APBB2: variants seen among roughly 807,000 people sequenced by gnomAD.
The protein encoded by APBB2 is amyloid beta precursor protein binding family B member 2.
Under a neutral mutation model 82.5 loss-of-function variants are expected in APBB2, and 38 were observed. The ratio of observed to expected loss-of-function variants is 0.46; its 90% CI spans 0.36 to 0.60. The LOEUF (loss-of-function observed/expected upper bound fraction) is 0.60. APBB2 is among the 20% of genes least tolerant of loss of function. APBB2 has a pLI of 0.00. For missense variants in APBB2, 772 were observed against 972.3 expected, an observed-to-expected ratio of 0.79 and a Z score of 2.74; for synonymous variants, 341 against 368.2, an observed-to-expected ratio of 0.93 and a Z score of 0.85.
chr4:40,908,341 C>T (rs1188423432), intron 10 of APBB2, among the ~76,000 whole-genome samples: 2 of 152,170 alleles, frequency 1.3e-5, no homozygotes, highest in East Asian at 3.8e-4. Context: ...AGCCAACAAA[C>T]ACACGGTGGT....
chr4:41,142,107 GCAGA>G (rs1209643631), intron 2 of APBB2, among the ~76,000 whole-genome samples: 1 of 152,170 alleles, frequency 6.6e-6, no homozygotes, highest in African/African-American at 2.4e-5. Context: ...AGGATGCTGG[GCAGA>G]CAAAGCCAAC....
chr4:40,968,121 A>T (rs908273080), intron 6 of APBB2, among the ~76,000 whole-genome samples: 1 of 152,176 alleles, frequency 6.6e-6, no homozygotes. Flanking sequence ...ACTGTGTATC[A>T]GCAGCCCTTT....
intron 1 of APBB2, among the ~76,000 whole-genome samples, chr4:41,159,164 A>T (rs1456364604): frequency 6.6e-6 from 1 of 152,208 alleles, no homozygotes; most frequent in Non-Finnish European, 1.5e-5. Flanking sequence ...TCTCAAACTC[A>T]CTAGGCCTTA....
chr4:40,881,098 T>C (rs1768348023), intron 12 of APBB2: 2 of 985,262 alleles, frequency 2.0e-6, no homozygotes, highest in African/African-American at 3.5e-5. Context: ...AAGCCACTTT[T>C]AAAGAGATAA....
At chr4:40,842,823 T>C (rs1278140666) in intron 12 of APBB2, among the ~76,000 whole-genome samples, 1 of 151,776 alleles carries the variant, frequency 6.6e-6, no homozygotes, top group Non-Finnish European at 1.5e-5. Flanking sequence ...GCCACATCAC[T>C]GGAATCCAGG....
intron 10 of APBB2, among the ~76,000 whole-genome samples, chr4:40,926,976 A>T (rs1782769392): frequency 6.6e-6 from 1 of 152,278 alleles, no homozygotes; most frequent in Non-Finnish European, 1.5e-5. Flanking sequence ...AAGAAGAGCC[A>T]GCCCTGGTTC....
chr4:41,020,489 C>T (rs753758430), intron 5 of APBB2, among the ~76,000 whole-genome samples: 2 of 152,204 alleles, frequency 1.3e-5, no homozygotes, highest in East Asian at 3.8e-4. Context: ...GCTGTTTGCA[C>T]TCAGCCAAAC....
intron 1 of APBB2, among the ~76,000 whole-genome samples, chr4:41,172,711 CAAGT>C (rs1373634780): frequency 6.6e-6 from 1 of 152,234 alleles, no homozygotes; most frequent in African/African-American, 2.4e-5. Flanking sequence ...AGTAAGCACT[CAAGT>C]AAGAGCTACT....
chr4:41,176,691 C>T (rs1190017402), intron 1 of APBB2, among the ~76,000 whole-genome samples: 1 of 151,934 alleles, frequency 6.6e-6, no homozygotes, highest in African/African-American at 2.4e-5. Flanking sequence ...TACACTGGCC[C>T]ATAGTTTAGG....
chr4:41,016,966 G>A (rs1286423139), intron 5 of APBB2, among the ~76,000 whole-genome samples: 1 of 152,054 alleles, frequency 6.6e-6, no homozygotes, highest in African/African-American at 2.4e-5. Flanking sequence ...GCAGGAGCAT[G>A]CCTCACTGCA....
chr4:40,934,978 T>C, intron 8 of APBB2, 99 bp downstream of exon 8: 1 of 1,037,614 alleles, frequency 9.6e-7, no homozygotes, highest in Non-Finnish European at 1.4e-6. Flanking sequence ...ACTGTGTCCC[T>C]GCAGAATGCA....
chr4:40,903,743 C>T (rs1387841729), intron 10 of APBB2, among the ~76,000 whole-genome samples: 2 of 152,122 alleles, frequency 1.3e-5, no homozygotes, highest in Admixed American at 1.3e-4. Flanking sequence ...CACACCACTG[C>T]AGGATATGGG....
At chr4:40,994,110 C>A (rs1802934989) in intron 6 of APBB2, among the ~76,000 whole-genome samples, 1 of 151,920 alleles carries the variant, frequency 6.6e-6, no homozygotes. Flanking sequence ...AATGGTGAAG[C>A]CCCGTCTCTA....
rs192095614 is a variant in APBB2 at position 40,818,146 on chromosome 4, A to C, written c.2113-1887T>G. 3.3e-5 allele frequency among the ~76,000 whole-genome samples: 5 copies of C among 152,350 alleles called. No individual in the cohort carries two copies. In the East Asian group the frequency reaches 9.6e-4, roughly 29 times the overall value. ...AGAACGTTAGTGTCAATAGATATTC[A>C]CATGGTATAAATTCACATACGGACC... On this transcript the variant is annotated intron_variant, in intron 17 of 17. Coordinates refer to ENST00000508593, the MANE Select transcript of APBB2 (RefSeq NM_004307.2).
intron 10 of APBB2, among the ~76,000 whole-genome samples, chr4:40,933,870 C>T (rs1330376322): frequency 6.6e-6 from 1 of 152,226 alleles, no homozygotes; most frequent in Non-Finnish European, 1.5e-5. Flanking sequence ...CACACAGGGG[C>T]CTTCTCATTG....
At chr4:41,084,283 G>A (rs1294141438) in intron 3 of APBB2, among the ~76,000 whole-genome samples, 3 of 152,112 alleles carry the variant, frequency 2.0e-5, no homozygotes. Flanking sequence ...AATTAACCAG[G>A]CATGGTGGCA....
intron 13 of APBB2, among the ~76,000 whole-genome samples, chr4:40,829,385 G>A (rs964132792): frequency 2.0e-5 from 3 of 152,226 alleles, no homozygotes; most frequent in Admixed American, 1.3e-4. Flanking sequence ...TGGATCTGGA[G>A]AGGGAGGAAG....
Position 41,014,329 on chromosome 4 carries a change from T to C in APBB2, c.89A>G (p.Asn30Ser). Residue 30 changes from asparagine to serine, a missense_variant, in exon 6 of 18, where the codon AAC becomes AGC. Coordinates refer to ENST00000508593, the MANE Select transcript of APBB2 (RefSeq NM_004307.2). ...SSGTTDVTNR[N>S]SPATPPNTLN... ...GGTGTTTGGTGGTGTGGCTGGGCTGTTCCGATTTGTGACGTCTGTAGTTCC... is the reference window on the plus strand; with the variant it reads ...GGTGTTTGGTGGTGTGGCTGGGCTGCTCCGATTTGTGACGTCTGTAGTTCC... 1.2e-6 allele frequency: 2 copies of C among 1,614,164 alleles called. No individual in the cohort carries two copies. The highest frequency in any genetic ancestry group is 1.7e-6 in the Non-Finnish European group (2 of 1,180,030).
intron 10 of APBB2, among the ~76,000 whole-genome samples, chr4:40,896,896 AG>A (rs1251756190): frequency 1.3e-5 from 2 of 152,226 alleles, no homozygotes; most frequent in African/African-American, 4.8e-5. Flanking sequence ...AGCTGCCACC[AG>A]GAGAGCATCT....
Sources: gnomAD v4.1 joint callset for allele counts (sites outside exome capture counted in the v4.1 genomes callset) on GRCh38, gnomAD v4.1.1 for gene constraint, MANE v1.5 for transcripts, NCBI Gene and HGNC (gene_info 2026-07-23, HGNC 2026-07-21) for gene names.